Variants in TUSC3 observed in about 807,000 individuals in gnomAD.
The protein encoded by TUSC3 is tumor suppressor candidate 3, also known as dolichyl-diphosphooligosaccharide--protein glycosyltransferase subunit TUSC3.
Under a neutral mutation model 44.8 loss-of-function variants are expected in TUSC3, and 45 were observed. The observed-to-expected ratio is 1.00, with a 90% confidence interval of 0.79 to 1.29. The LOEUF is 1.29. TUSC3 is among the 50% of genes most tolerant of loss of function. The pLI is 0.00. For synonymous variants in TUSC3, 212 were observed against 152.9 expected (o/e 1.39, Z -2.85); for missense variants, 519 against 437.9 (o/e 1.19, Z -1.65).
chr8:15,579,205 C>A (rs1237942659), intron 1 of TUSC3, among the ~76,000 whole-genome samples: 1 of 146,724 alleles, frequency 6.8e-6, no homozygotes, highest in East Asian at 2.0e-4. Context: ...ATTCTTCTCT[C>A]TTTTTTTCTT....
chr8:15,847,402 T>G, the TUSC3 span, among the ~76,000 whole-genome samples: 5 of 152,158 alleles, frequency 3.3e-5, no homozygotes, highest in African/African-American at 7.2e-5. Flanking sequence ...TTGTGCAAAA[T>G]CTCTCATTCA....
Position 15,649,943 on chromosome 8 carries a change from GCTT to G in TUSC3, c.309-750_309-748del, listed in dbSNP as rs1806815101. Among the ~76,000 whole-genome samples the G allele has an allele frequency of 3.3e-5, 5 of 152,186 alleles. No individual in the cohort carries two copies. In the South Asian group the frequency reaches 1.0e-3, roughly 32 times the overall value. ...AAAAATGTTTTAGCAATAACTTGTT[GCTT>G]CTTATTTCTATTACTGCATTTACAT... On this transcript the variant is annotated intron_variant, in intron 2 of 10. Coordinates refer to ENST00000503731, the MANE Select transcript of TUSC3 (RefSeq NM_006765.4).
intron 1 of TUSC3, among the ~76,000 whole-genome samples, chr8:15,585,526 T>G (rs985406832): frequency 1.3e-5 from 2 of 152,138 alleles, no homozygotes; most frequent in Non-Finnish European, 2.9e-5. Context: ...ATGCAAAGGC[T>G]TTTATAGGAA....
intron 7 of TUSC3, among the ~76,000 whole-genome samples, chr8:15,738,703 C>T (rs1811040194): frequency 6.6e-6 from 1 of 152,016 alleles, no homozygotes; most frequent in Non-Finnish European, 1.5e-5. Flanking sequence ...CTTTCATTCC[C>T]TGCAATCATT....
At chr8:15,620,463 C>T (rs1805195065) in intron 1 of TUSC3, among the ~76,000 whole-genome samples, 1 of 152,052 alleles carries the variant, frequency 6.6e-6, no homozygotes, top group South Asian at 2.1e-4. Flanking sequence ...TAGTATTAAA[C>T]ATGACTGTGT....
intron 2 of TUSC3, among the ~76,000 whole-genome samples, chr8:15,494,982 C>T (rs1230451018): frequency 2.0e-5 from 3 of 152,124 alleles, no homozygotes; most frequent in Non-Finnish European, 4.4e-5. Flanking sequence ...TGTTTAGCTC[C>T]CACTTATAAG....
At chr8:15,677,837 G>A (rs1016254878) in intron 6 of TUSC3, among the ~76,000 whole-genome samples, 10 of 152,292 alleles carry the variant, frequency 6.6e-5, no homozygotes, top group South Asian at 2.1e-4. Context: ...TGGGTGGGAG[G>A]AACAGAAAGA....
the TUSC3 span, among the ~76,000 whole-genome samples, chr8:15,808,381 A>C: frequency 6.6e-6 from 1 of 151,126 alleles, no homozygotes; most frequent in African/African-American, 2.5e-5. Flanking sequence ...TGATACATTT[A>C]CTTATGTAAC....
At chr8:15,658,412 T>C (rs1807265437) in intron 3 of TUSC3, among the ~76,000 whole-genome samples, 1 of 152,116 alleles carries the variant, frequency 6.6e-6, no homozygotes, top group Non-Finnish European at 1.5e-5. Context: ...ACTTGGTTAT[T>C]AAACTTTGTT....
intron 1 of TUSC3, among the ~76,000 whole-genome samples, chr8:15,617,355 G>T (rs776414725): frequency 6.6e-6 from 1 of 151,792 alleles, no homozygotes; most frequent in African/African-American, 2.4e-5. Context: ...GGCCGGGGTG[G>T]TCTCGAACTC....
chr8:15,706,007 A>G (rs1809601405), intron 6 of TUSC3, among the ~76,000 whole-genome samples: 3 of 151,992 alleles, frequency 2.0e-5, no homozygotes, highest in South Asian at 4.1e-4. Context: ...AAAGATACTC[A>G]TATTATACAT....
chr8:15,511,736 G>T (rs1044157191), intron 2 of TUSC3, among the ~76,000 whole-genome samples: 1 of 152,096 alleles, frequency 6.6e-6, no homozygotes, highest in South Asian at 2.1e-4. Flanking sequence ...CGGGCGTGGT[G>T]GTGGGTGCCT....
chr8:15,540,229 C>T (rs898516970), upstream of TUSC3: 72 of 733,506 alleles, frequency 9.8e-5, no homozygotes, highest in Non-Finnish European at 1.2e-4. Flanking sequence ...CCGCGCCTTT[C>T]CAGGTCTTCT....
chr8:15,730,587 G>T, intron 6 of TUSC3, 79 bp from the exon 7 acceptor site: 2 of 1,388,656 alleles, frequency 1.4e-6, no homozygotes, highest in South Asian at 2.4e-5. Flanking sequence ...TTTTTCCATT[G>T]TTTATCTTCA....
At position 15,658,639 on chromosome 8, in the gene TUSC3, T is replaced by TACACACACAC. The variant is rs57739356; in HGVS notation, c.427-856_427-847dup. On this transcript the variant is annotated intron_variant, in intron 3 of 10. Transcript: ENST00000503731. ...ATTCGTGTATATATACACATATATA[T>TACACACACAC]ACACACACACACACACACACAAATA... Among the ~76,000 whole-genome samples, 164 of 148,670 alleles carry TACACACACAC rather than the reference T, an allele frequency of 1.1e-3. 5 individuals carry two copies. In the East Asian group the frequency reaches 0.027, roughly 25 times the overall value.
chr8:15,579,831 G>A (rs1255217737), intron 1 of TUSC3, among the ~76,000 whole-genome samples: 1 of 28,598 alleles, frequency 3.5e-5, no homozygotes, highest in Admixed American at 3.8e-4. Context: ...TGTCTATTAG[G>A]TCCACTTGGT....
chr8:15,755,938 A>G (rs1471786599), intron 9 of TUSC3, among the ~76,000 whole-genome samples: 1 of 152,108 alleles, frequency 6.6e-6, no homozygotes, highest in African/African-American at 2.4e-5. Context: ...TGTGCTCACA[A>G]AAGTTTCCTT....
At chr8:15,596,822 A>G (rs2129152845) in intron 1 of TUSC3, among the ~76,000 whole-genome samples, 1 of 152,206 alleles carries the variant, frequency 6.6e-6, no homozygotes, top group Non-Finnish European at 1.5e-5. Flanking sequence ...TCCCTTCCCT[A>G]AATGTTTTAT....
intron 6 of TUSC3, among the ~76,000 whole-genome samples, chr8:15,682,656 T>G (rs1223218027): frequency 6.6e-6 from 1 of 152,192 alleles, no homozygotes. Context: ...AACGTTAATA[T>G]TGATATGTGA....
Sources: gnomAD v4.1 joint callset for allele counts (sites outside exome capture counted in the v4.1 genomes callset) on GRCh38, gnomAD v4.1.1 for gene constraint, MANE v1.5 for transcripts, NCBI Gene and HGNC (gene_info 2026-07-23, HGNC 2026-07-21) for gene names.